Variants in DNAH9 observed in about 807,000 individuals in gnomAD.
The protein encoded by DNAH9 is dynein axonemal heavy chain 9, also known as DNAH9 variant protein.
DNAH9 carries 345 observed loss-of-function variants against 471.6 expected under a neutral mutation model. The observed-to-expected ratio is 0.73, with a 90% confidence interval of 0.67 to 0.80. The LOEUF (loss-of-function observed/expected upper bound fraction) is 0.80, where lower values mean the gene tolerates loss of function less well. DNAH9 is among the 30% of genes least tolerant of loss of function. DNAH9 has a pLI of 0.00. For synonymous variants in DNAH9, 2,093 were observed against 2,123.6 expected, an observed-to-expected ratio of 0.99 and a Z score of 0.40; for missense variants, 5,407 against 5,609.2, an observed-to-expected ratio of 0.96 and a Z score of 1.15.
At chr17:11,698,041 TA>T (rs1225122126) in intron 22 of DNAH9, among the ~76,000 whole-genome samples, 3 of 145,388 alleles carry the variant, frequency 2.1e-5, no homozygotes, top group Admixed American at 7.1e-5. Context: ...GTATAAAGGT[TA>T]AAAAAATTAT....
At chr17:11,609,061 C>T (rs917365201) in intron 2 of DNAH9, among the ~76,000 whole-genome samples, 1 of 152,164 alleles carries the variant, frequency 6.6e-6, no homozygotes, top group Non-Finnish European at 1.5e-5. Flanking sequence ...TCCAGCATCT[C>T]TATGTGCTTG....
intron 17 of DNAH9, among the ~76,000 whole-genome samples, chr17:11,671,405 G>A (rs533580888): frequency 6.7e-6 from 1 of 149,508 alleles, no homozygotes; most frequent in Non-Finnish European, 1.5e-5. Flanking sequence ...TCAGGAAGCA[G>A]AGGGGGGGCA....
intron 14 of DNAH9, among the ~76,000 whole-genome samples, chr17:11,654,652 T>C (rs1307579337): frequency 6.6e-6 from 1 of 152,010 alleles, no homozygotes; most frequent in Non-Finnish European, 1.5e-5. Flanking sequence ...TCAGACACTT[T>C]AATAATAATT....
rs750532434 is a variant in DNAH9 at position 11,623,638 on chromosome 17, T to C, written c.1350+3857T>C. Among the ~76,000 whole-genome samples the C allele has an allele frequency of 1.3e-5, 2 of 152,192 alleles. No individual in the cohort carries two copies. The highest frequency in any genetic ancestry group is 2.9e-5 in the Non-Finnish European group (2 of 68,030). On this transcript the variant is annotated intron_variant, in intron 6 of 68. Coordinates refer to ENST00000262442, the MANE Select transcript of DNAH9 (RefSeq NM_001372.4). This position sits in a 1 kb window ranked among gnomAD's most constrained non-coding sequence, Gnocchi z 4.1. ...GCCTTTAGTTAATATTCTGTGTATC[T>C]CTGTGATCGATGCCTGATTGAAATG...
chr17:11,744,509 C>T (rs1046860226), intron 30 of DNAH9, among the ~76,000 whole-genome samples: 1 of 152,172 alleles, frequency 6.6e-6, no homozygotes, highest in African/African-American at 2.4e-5. Context: ...GCTGAGTGTG[C>T]AAGGAGTAGC....
chr17:11,739,483 A>T (rs537205827), intron 29 of DNAH9, among the ~76,000 whole-genome samples: 8 of 152,172 alleles, frequency 5.3e-5, no homozygotes, highest in Non-Finnish European at 1.2e-4. Flanking sequence ...TGTAATGTAC[A>T]TCTTTGCATA....
chr17:11,610,565 A>G lies in DNAH9; in HGVS notation c.773+11A>G. 6.2e-7 allele frequency: 1 copy of G among 1,611,642 alleles called. No homozygotes were observed. Among genetic ancestry groups the G allele is most frequent in the Non-Finnish European group, 8.5e-7 (1 of 1,179,516 alleles). Reference sequence around the variant, plus strand: ...GTTCTGGAAGAGCAGGTAGGCAAGAAGGCACATGCTGGAAGTCTGGGGTGA... The same window carrying G: ...GTTCTGGAAGAGCAGGTAGGCAAGAGGGCACATGCTGGAAGTCTGGGGTGA... On this transcript the variant is annotated intron_variant, in intron 3 of 68. Coordinates refer to ENST00000262442, the MANE Select transcript of DNAH9 (RefSeq NM_001372.4).
In DNAH9 at chr17:11,902,882, T is replaced by C. The variant is rs542453287; in HGVS notation, c.11570T>C (p.Met3857Thr). The change falls in exon 60 of 69, where the codon ATG becomes ACG. Residue 3857 changes from methionine (M) to threonine (T), a missense_variant. Coordinates refer to ENST00000262442, the MANE Select transcript of DNAH9 (RefSeq NM_001372.4). ...ALQRLCMLRA[M>T]RPDRMTYALR... The stretch of plus-strand genomic sequence containing the variant: ...CAGCGCCTCTGCATGCTGAGAGCCA[T>C]GCGGCCCGACCGGATGACCTATGCT... 9 of 1,613,730 alleles carry C rather than the reference T, an allele frequency of 5.6e-6. No individual in the cohort carries two copies. The East Asian group carries it at 1.1e-4, about 20-fold the overall frequency.
At chr17:11,920,214 T>G (rs1474959771) in intron 61 of DNAH9, among the ~76,000 whole-genome samples, 1 of 151,774 alleles carries the variant, frequency 6.6e-6, no homozygotes, top group Non-Finnish European at 1.5e-5. Flanking sequence ...TTTTGTATTT[T>G]TAGTAGAAAA....
At chr17:11,660,981 C>CT (rs1471324249) in intron 14 of DNAH9, among the ~76,000 whole-genome samples, 2 of 151,752 alleles carry the variant, frequency 1.3e-5, no homozygotes, top group Admixed American at 6.6e-5. Context: ...AAAATCTCCA[C>CT]TTACAATTTT....
At chr17:11,666,228 A>G (rs1388856248) in intron 15 of DNAH9, among the ~76,000 whole-genome samples, 1 of 152,172 alleles carries the variant, frequency 6.6e-6, no homozygotes, top group Admixed American at 6.5e-5. Flanking sequence ...CTGGAGGTTC[A>G]GGGGGCTTCA....
chr17:11,678,307 C>T lies in DNAH9; in HGVS notation c.3354-1450C>T, dbSNP rs555905587. On this transcript the variant is annotated intron_variant, in intron 17 of 68. Coordinates refer to ENST00000262442, the MANE Select transcript of DNAH9 (RefSeq NM_001372.4). Reference sequence around the variant, plus strand: ...TCCTGACCTTGTGATCTATCCGCCTCGGCCTCCTATTTAGATTTACCAACA... The same window carrying T: ...TCCTGACCTTGTGATCTATCCGCCTTGGCCTCCTATTTAGATTTACCAACA... Among the ~76,000 whole-genome samples the T allele has an allele frequency of 7.2e-5, 11 of 152,290 alleles. No homozygotes were observed. The East Asian group carries it at 7.7e-4, about 11-fold the overall frequency.
At chr17:11,610,342 G>C in intron 2 of DNAH9, 54 bp from the exon 3 acceptor site, 1 of 1,463,816 alleles carries the variant, frequency 6.8e-7, no homozygotes, top group South Asian at 1.2e-5. Flanking sequence ...TTATTTTCAC[G>C]CCTCAGGGTT....
At chr17:11,717,329 T>C (rs1011554593) in intron 26 of DNAH9, among the ~76,000 whole-genome samples, 10 of 151,810 alleles carry the variant, frequency 6.6e-5, no homozygotes, top group African/African-American at 2.4e-4. Context: ...GCCCTGGAGT[T>C]CGAAACTAGC....
intron 67 of DNAH9, among the ~76,000 whole-genome samples, chr17:11,945,919 C>T (rs1317147060): frequency 5.3e-5 from 8 of 151,718 alleles, no homozygotes; most frequent in Non-Finnish European, 8.8e-5. Context: ...AAAAATTAGC[C>T]GGGCGTAGTG....
rs768904037 is a variant in DNAH9 at position 11,869,248 on chromosome 17, C to T, written c.10048C>T (p.Arg3350Cys). 28 of 1,613,268 alleles carry T rather than the reference C, an allele frequency of 1.7e-5. No individual in the cohort carries two copies. The highest frequency in any genetic ancestry group is 1.1e-4 in the South Asian group (10 of 90,968). ...CGCAGTCACCATCTCCCTTGCCAAC[C>T]GCCTGGTGAGTGTAAGCCACAGCAG... is the stretch of plus-strand genomic sequence containing the variant. ...VTAVTISLANRLVGGLASENV... is the reference protein window; with the variant it reads ...VTAVTISLANCLVGGLASENV... The change falls in exon 51 of 69, where the codon CGC (arginine) becomes TGC (cysteine). Residue 3350 changes from arginine to cysteine, a missense_variant. Arg to Cys is a radical substitution (Grantham distance 180). This residue lies in a region of DNAH9 where 4,636 missense variants were observed against 4,900.3 expected (regional missense o/e 0.95). Transcript: ENST00000262442.
intron 2 of DNAH9, among the ~76,000 whole-genome samples, chr17:11,609,909 G>A (rs1007666231): frequency 1.2e-4 from 19 of 152,304 alleles, no homozygotes; most frequent in African/African-American, 4.6e-4. Context: ...AGACCAAGAT[G>A]AGGAAATCAC....
intron 45 of DNAH9, among the ~76,000 whole-genome samples, chr17:11,815,704 G>A (rs769538367): frequency 6.6e-6 from 1 of 152,128 alleles, no homozygotes; most frequent in Non-Finnish European, 1.5e-5. Flanking sequence ...TGGGAAGATC[G>A]CTTGTGCCCA....
intron 26 of DNAH9, among the ~76,000 whole-genome samples, chr17:11,708,070 CAG>C (rs2074758921): frequency 6.8e-6 from 1 of 146,180 alleles, no homozygotes; most frequent in South Asian, 2.2e-4. Flanking sequence ...GTAACCCTGA[CAG>C]AGCCTCTGTT....
Sources: gnomAD v4.1 joint callset for allele counts (sites outside exome capture counted in the v4.1 genomes callset) on GRCh38, gnomAD v4.1.1 for gene constraint, gnomAD v4.1.1 regional missense constraint, Gnocchi (gnomAD v3.1) non-coding constraint, MANE v1.5 for transcripts, NCBI Gene and HGNC (gene_info 2026-07-23, HGNC 2026-07-21) for gene names.